The following ALG1L2 variants were observed in gnomAD, a reference collection of about 807,000 sequenced individuals.
ALG1L2 encodes the protein ALG1 chitobiosyldiphosphodolichol beta-mannosyltransferase like 2, also known as putative glycosyltransferase ALG1L2.
A neutral mutation model predicts 29.0 loss-of-function variants in ALG1L2; 32 were observed. The observed-to-expected ratio is 1.10, with a 90% CI of 0.83 to 1.48. ALG1L2 has a LOEUF of 1.48. Ranked by LOEUF, ALG1L2 falls within the 40% of genes most tolerant of loss-of-function variation. The probability of loss-of-function intolerance (pLI) is 0.00; values close to 1 mark genes in which losing one functional copy is unlikely to be tolerated. For synonymous variants in ALG1L2, 110 were observed against 109.5 expected, an observed-to-expected ratio of 1.00 and a Z score of -0.03; for missense variants, 318 against 274.1, an observed-to-expected ratio of 1.16 and a Z score of -1.13.
chr3:130,085,565 T>G (rs1402050152), intron 1 of ALG1L2, among the ~76,000 whole-genome samples: 15 of 150,358 alleles, frequency 1.0e-4, no homozygotes, highest in Admixed American at 8.7e-4. Flanking sequence ...GGACACGCAT[T>G]ATACTGGATA....
chr3:130,083,659 T>A (rs1222296542), intron 1 of ALG1L2, among the ~76,000 whole-genome samples: 8 of 47,020 alleles, frequency 1.7e-4, no homozygotes, highest in African/African-American at 3.3e-4. Context: ...AAATGTTAAC[T>A]TTTTTTTTAC....
At chr3:130,091,238 G>A in intron 1 of ALG1L2, 23 bp from the exon 2 acceptor site, 1 of 1,593,640 alleles carries the variant, frequency 6.3e-7, no homozygotes, top group African/African-American at 1.3e-5. Flanking sequence ...TAATGCAATA[G>A]CCCTGCCATG....
At chr3:130,085,151 G>T (rs1227426568) in intron 1 of ALG1L2, among the ~76,000 whole-genome samples, 1 of 129,804 alleles carries the variant, frequency 7.7e-6, no homozygotes, top group Non-Finnish European at 1.8e-5. Context: ...AGTAGAGACA[G>T]GTTTCACCAT....
chr3:130,089,216 T>A (rs1934957780), intron 1 of ALG1L2, among the ~76,000 whole-genome samples: 1 of 152,264 alleles, frequency 6.6e-6, no homozygotes, highest in Admixed American at 6.5e-5. Context: ...CCAAGTAAAC[T>A]GAGGCACCTC....
At position 130,094,027 on chromosome 3, in the gene ALG1L2, C is replaced by A. The variant is rs1398805771; in HGVS notation, c.314-376C>A. 4 of 279,744 alleles carry A rather than the reference C, an allele frequency of 1.4e-5. No individual in the cohort carries two copies. The East Asian group carries it at 3.9e-4, about 28-fold the overall frequency. The allele number at this position is 279,744 out of a possible 1,614,324, so 17.3% of individuals were successfully genotyped here. ...GTGGCAGGGCAGGGGCGGCTTGGAA[C>A]CTGCGCCCTGTGGTTTGGGGGCTGT... is the stretch of plus-strand genomic sequence containing the variant. On this transcript the variant is annotated intron_variant, in intron 4 of 7. Coordinates refer to ENST00000425059, the MANE Select transcript of ALG1L2 (RefSeq NM_001136152.1).
intron 1 of ALG1L2, among the ~76,000 whole-genome samples, chr3:130,082,583 C>G (rs191391153): frequency 7.5e-6 from 1 of 133,812 alleles, no homozygotes; most frequent in Non-Finnish European, 1.7e-5. Context: ...AGTGATCTGC[C>G]CACCTCAGCC....
At chr3:130,086,803 C>A (rs1369174987) in intron 1 of ALG1L2, among the ~76,000 whole-genome samples, 9 of 150,324 alleles carry the variant, frequency 6.0e-5, no homozygotes, top group African/African-American at 2.2e-4. Context: ...GACCTGTCTA[C>A]CACAGTGTAG....
rs370245000 is a variant in ALG1L2 at position 130,093,145 on chromosome 3, G to T, written c.298G>T (p.Val100Phe). ...TLDGQNLPSL[V>F]CVITGKGPLR... is the part of the protein sequence containing the mutation. ...TGACGGACAGAACCTTCCTTCTCTC[G>T]TCTGTGTGATAACAGGTACTGCCTG... is the stretch of plus-strand genomic sequence containing the variant. The change falls in exon 4 of 8, where the codon GTC becomes TTC. Residue 100 changes from valine (V) to phenylalanine (F), a missense_variant. Coordinates refer to ENST00000425059, the MANE Select transcript of ALG1L2 (RefSeq NM_001136152.1). 1 of 1,609,960 alleles carries T rather than the reference G, an allele frequency of 6.2e-7. No individual in the cohort carries two copies. Among genetic ancestry groups the T allele is most frequent in the Non-Finnish European group, 8.5e-7 (1 of 1,179,470 alleles).
chr3:130,095,409 TTTATTATTATTATTATTA>T (rs869099473), intron 5 of ALG1L2, among the ~76,000 whole-genome samples: 3 of 121,124 alleles, frequency 2.5e-5, no homozygotes, highest in East Asian at 2.3e-4. Flanking sequence ...TGTGCTGTGG[TTTATTATTATTATTATTA>T]TTATTATTAT....
At chr3:130,094,012 A>T (rs1935076459) in intron 4 of ALG1L2, 1 of 278,988 alleles carries the variant, frequency 3.6e-6, no homozygotes, top group South Asian at 3.5e-5. Flanking sequence ...GTGGCAGGGC[A>T]GGGGCGGCTT....
chr3:130,095,789 G>T (rs1336201702), intron 5 of ALG1L2, among the ~76,000 whole-genome samples: 1 of 152,160 alleles, frequency 6.6e-6, no homozygotes. Flanking sequence ...CAGCCTGGGT[G>T]ACAGAGTGAG....
chr3:130,090,689 G>A (rs1163028783), intron 1 of ALG1L2: 1 of 140,926 alleles, frequency 7.1e-6, no homozygotes, highest in African/African-American at 2.7e-5. Flanking sequence ...CTGCATAAAC[G>A]CTAATAACTT....
chr3:130,088,312 T>C (rs1001201878), intron 1 of ALG1L2, among the ~76,000 whole-genome samples: 6 of 152,308 alleles, frequency 3.9e-5, no homozygotes, highest in African/African-American at 7.2e-5. Context: ...GTAGTTCCCA[T>C]AATCACCACA....
chr3:130,094,081 C>T (rs1397454745), intron 4 of ALG1L2: 2 of 392,094 alleles, frequency 5.1e-6, no homozygotes, highest in South Asian at 2.3e-5. Context: ...CTCTTGTCCC[C>T]TGTGCACAAC....
chr3:130,084,937 G>GAT (rs1363961123), intron 1 of ALG1L2, among the ~76,000 whole-genome samples: 1 of 109,108 alleles, frequency 9.2e-6, no homozygotes, highest in Non-Finnish European at 2.1e-5. Context: ...TATATATAGA[G>GAT]ATATATATAA....
In ALG1L2 at chr3:130,092,164, G is replaced by A. The variant is rs772527130; in HGVS notation, c.195G>A (p.Gly65=). The change falls in exon 3 of 8, where the codon GGG becomes GGA. Residue 65 remains glycine (G), a synonymous_variant. Coordinates refer to ENST00000425059, the MANE Select transcript of ALG1L2 (RefSeq NM_001136152.1). The part of the protein sequence containing the change: ...SAFTERDSGS[G]LVTRLHERPA... ...TCACGGAGCGGGATTCTGGGAGCGG[G>A]CTGGTGACGCGTCTCCACGAGCGGC... 4.3e-6 allele frequency: 7 copies of A among 1,613,260 alleles called. No individual in the cohort carries two copies. Among genetic ancestry groups the A allele is most frequent in the Non-Finnish European group, 5.9e-6 (7 of 1,179,762 alleles).
chr3:130,095,578 A>G (rs1935112547), intron 5 of ALG1L2, among the ~76,000 whole-genome samples: 1 of 151,684 alleles, frequency 6.6e-6, no homozygotes, highest in Non-Finnish European at 1.5e-5. Flanking sequence ...CGGGGATTAC[A>G]GGCACCTGCC....
intron 5 of ALG1L2, 107 bp downstream of exon 5, chr3:130,094,620 G>A: frequency 2.4e-6 from 3 of 1,250,628 alleles, no homozygotes; most frequent in Non-Finnish European, 2.2e-6. Flanking sequence ...AGGCCACTTG[G>A]GGACAGGACC....
At chr3:130,095,476 C>A (rs1935110900) in intron 5 of ALG1L2, among the ~76,000 whole-genome samples, 1 of 151,662 alleles carries the variant, frequency 6.6e-6, no homozygotes, top group Admixed American at 6.6e-5. Context: ...GCTCCTGTAG[C>A]ACAGGCTGGA....
Sources: gnomAD v4.1 joint callset for allele counts (sites outside exome capture counted in the v4.1 genomes callset) on GRCh38, gnomAD v4.1.1 for gene constraint, MANE v1.5 for transcripts, NCBI Gene and HGNC (gene_info 2026-07-23, HGNC 2026-07-21) for gene names.